Variants in CHD6 observed in about 807,000 individuals in gnomAD.
CHD6 encodes chromodomain helicase DNA binding protein 6, also known as ATP-dependent chromatin remodeler CHD6.
In CHD6, 50 loss-of-function variants were observed where a neutral mutation model predicts 276.9. The ratio of observed to expected loss-of-function variants is 0.18; its 90% CI spans 0.14 to 0.23. CHD6 has a LOEUF of 0.23. Ranked by LOEUF, CHD6 falls within the 10% of genes least tolerant of loss-of-function variation. The pLI, the probability that CHD6 is intolerant of heterozygous loss-of-function variation, is 1.00. For synonymous variants in CHD6, 1,173 were observed against 1,229.3 expected (o/e 0.95, Z 0.96); for missense variants, 2,564 against 3,365.8 (o/e 0.76, Z 5.89).
chr20:41,427,439 T>C (rs990904434), intron 27 of CHD6, among the ~76,000 whole-genome samples: 3 of 152,170 alleles, frequency 2.0e-5, no homozygotes, highest in African/African-American at 4.8e-5. Flanking sequence ...TCTCATGAGA[T>C]AGAAACCATT....
intron 2 of CHD6, among the ~76,000 whole-genome samples, chr20:41,540,604 T>C (rs1421311995): frequency 6.6e-6 from 1 of 152,172 alleles, no homozygotes; most frequent in African/African-American, 2.4e-5. Flanking sequence ...GGACAAAGTG[T>C]GCACTTTGCA....
intron 1 of CHD6, among the ~76,000 whole-genome samples, chr20:41,592,543 G>A (rs1457554990): frequency 2.0e-5 from 3 of 152,092 alleles, no homozygotes; most frequent in African/African-American, 7.2e-5. Flanking sequence ...TGACACAATA[G>A]TAGTACTTCA....
chr20:41,480,472 A>G (rs1159578965), intron 16 of CHD6, among the ~76,000 whole-genome samples: 2 of 152,238 alleles, frequency 1.3e-5, no homozygotes, highest in African/African-American at 4.8e-5. Context: ...AGCACATGAC[A>G]TAACTCAGCT....
intron 17 of CHD6, among the ~76,000 whole-genome samples, chr20:41,471,521 A>G (rs1045769974): frequency 6.8e-6 from 1 of 147,564 alleles, no homozygotes; most frequent in Admixed American, 6.7e-5. Flanking sequence ...TTTATGATGT[A>G]TACCATGAAA....
intron 1 of CHD6, among the ~76,000 whole-genome samples, chr20:41,581,530 C>A (rs1202459085): frequency 6.6e-6 from 1 of 151,996 alleles, no homozygotes; most frequent in African/African-American, 2.4e-5. Flanking sequence ...CAAAAATTAG[C>A]TGGGTGTGGT....
chr20:41,455,750 A>C (rs1569097815), intron 19 of CHD6, 50 bp downstream of exon 19: 2 of 1,258,502 alleles, frequency 1.6e-6, no homozygotes, highest in East Asian at 5.1e-5. Context: ...GAGAATAAAC[A>C]TTTTTTTTTC....
chr20:41,581,943 T>C (rs775901896), intron 1 of CHD6, among the ~76,000 whole-genome samples: 1 of 152,170 alleles, frequency 6.6e-6, no homozygotes. Context: ...ATGTATGTCT[T>C]CTCTGTATAA....
rs568012303 is a variant in CHD6, at chr20:41,452,190, C to T, written c.3324-165G>A. 6.6e-6 allele frequency among the ~76,000 whole-genome samples: 1 copy of T among 152,218 alleles called. No individual in the cohort carries two copies. The highest frequency in any genetic ancestry group is 1.5e-5 in the Non-Finnish European group (1 of 68,048). On this transcript the variant is annotated intron_variant, in intron 21 of 36. Coordinates refer to ENST00000373233, the MANE Select transcript of CHD6 (RefSeq NM_032221.5). The surrounding 1 kb of genome is among the most constrained non-coding windows in gnomAD (Gnocchi z 4.2). ...CGAAAGGCCTTTGAGGACCACCTGA[C>T]TGTAGCACACCGAATATCACTAAAG...
At chr20:41,469,055 G>A (rs1287511334) in intron 17 of CHD6, among the ~76,000 whole-genome samples, 1 of 152,126 alleles carries the variant, frequency 6.6e-6, no homozygotes, top group Non-Finnish European at 1.5e-5. Flanking sequence ...CAGAGGAAGA[G>A]GCACAGGGGT....
intron 1 of CHD6, among the ~76,000 whole-genome samples, chr20:41,578,329 C>T (rs1363426750): frequency 6.6e-6 from 1 of 152,134 alleles, no homozygotes; most frequent in African/African-American, 2.4e-5. Flanking sequence ...ACAATGATAC[C>T]TCTTTTACAA....
intron 1 of CHD6, among the ~76,000 whole-genome samples, chr20:41,569,163 G>A (rs1476149094): frequency 6.6e-6 from 1 of 152,188 alleles, no homozygotes; most frequent in Non-Finnish European, 1.5e-5. Context: ...GATGAGGCAG[G>A]TGGCTAGCAA....
At chr20:41,550,774 AG>A (rs2146144516) in intron 2 of CHD6, among the ~76,000 whole-genome samples, 1 of 152,292 alleles carries the variant, frequency 6.6e-6, no homozygotes, top group African/African-American at 2.4e-5. Flanking sequence ...GTACCAACCA[AG>A]GAAAGAGATC....
intron 17 of CHD6, among the ~76,000 whole-genome samples, chr20:41,463,126 A>T (rs1168636856): frequency 3.3e-5 from 5 of 152,210 alleles, no homozygotes; most frequent in Admixed American, 6.5e-5. Context: ...TGAACAGAAC[A>T]TCGAAATAAA....
At chr20:41,472,690 T>C (rs1376974005) in intron 17 of CHD6, among the ~76,000 whole-genome samples, 1 of 152,238 alleles carries the variant, frequency 6.6e-6, no homozygotes, top group Non-Finnish European at 1.5e-5. Context: ...AACTGGACCC[T>C]GCCATTTTCT....
At chr20:41,548,141 C>A (rs1434290592) in intron 2 of CHD6, among the ~76,000 whole-genome samples, 1 of 152,234 alleles carries the variant, frequency 6.6e-6, no homozygotes, top group East Asian at 1.9e-4. Context: ...TTTCTATTTT[C>A]ATTCTTTGCA....
chr20:41,552,437 G>A (rs1194326133), intron 1 of CHD6, among the ~76,000 whole-genome samples: 1 of 152,156 alleles, frequency 6.6e-6, no homozygotes, highest in Non-Finnish European at 1.5e-5. Flanking sequence ...AGTATTTGAG[G>A]TGGTAGATAT....
chr20:41,415,154 A>T, intron 34 of CHD6, 32 bp downstream of exon 34: 1 of 1,577,382 alleles, frequency 6.3e-7, no homozygotes, highest in Non-Finnish European at 8.6e-7. Flanking sequence ...TAGAAAGGTA[A>T]ATGTTTTTAA....
chr20:41,603,981 TG>T (rs2045800025), intron 1 of CHD6, among the ~76,000 whole-genome samples: 1 of 138,012 alleles, frequency 7.2e-6, no homozygotes, highest in African/African-American at 2.7e-5. Flanking sequence ...CACCTATTCC[TG>T]TGTGCATGTG....
In CHD6 at chr20:41,417,262, C is replaced by G; in HGVS notation, c.6215G>C (p.Arg2072Pro). Reference sequence around the variant, plus strand: ...TAGCAGCTGAGCAATAGTGGGAGCTCGAGCCTCCTGTAGCTCATCCCCAAT... The same window carrying G: ...TAGCAGCTGAGCAATAGTGGGAGCTGGAGCCTCCTGTAGCTCATCCCCAAT... Reference protein sequence around the residue: ...GDIGDELQEARAPTIAQLLQE... With the variant: ...GDIGDELQEAPAPTIAQLLQE... The change falls in exon 32 of 37, where the codon CGA becomes CCA. Residue 2072 changes from arginine to proline, a missense_variant. Transcript: ENST00000373233. 1 of 1,614,054 alleles carries G rather than the reference C, an allele frequency of 6.2e-7. No homozygotes were observed. The highest frequency in any genetic ancestry group is 1.1e-5 in the South Asian group (1 of 91,064).
Sources: gnomAD v4.1 joint callset for allele counts (sites outside exome capture counted in the v4.1 genomes callset) on GRCh38, gnomAD v4.1.1 for gene constraint, Gnocchi (gnomAD v3.1) non-coding constraint, MANE v1.5 for transcripts, NCBI Gene and HGNC (gene_info 2026-07-23, HGNC 2026-07-21) for gene names.